The following ADAM12 variants were observed in gnomAD, a reference collection of about 807,000 sequenced individuals.
The protein encoded by ADAM12 is disintegrin and metalloproteinase domain-containing protein 12.
Under a neutral mutation model 106.4 loss-of-function variants are expected in ADAM12, and 70 were observed. The observed-to-expected ratio is 0.66, with a 90% CI of 0.54 to 0.80. The LOEUF (loss-of-function observed/expected upper bound fraction) is 0.80. Ranked by LOEUF, ADAM12 falls within the 30% of genes least tolerant of loss-of-function variation. The pLI, the probability that ADAM12 is intolerant of heterozygous loss-of-function variation, is 0.00. For synonymous variants in ADAM12, 420 were observed against 433.5 expected (o/e 0.97, Z 0.39); for missense variants, 1,010 against 1,171.9 (o/e 0.86, Z 2.02).
intron 3 of ADAM12, among the ~76,000 whole-genome samples, chr10:126,211,274 G>A (rs1209582076): frequency 6.6e-6 from 1 of 152,182 alleles, no homozygotes; most frequent in African/African-American, 2.4e-5. Flanking sequence ...TGCCTGAAGT[G>A]TGTTTGTTCC....
intron 4 of ADAM12, among the ~76,000 whole-genome samples, chr10:126,137,845 T>G (rs1033686939): frequency 1.3e-5 from 2 of 152,212 alleles, no homozygotes; most frequent in Non-Finnish European, 2.9e-5. Flanking sequence ...TATGAACACA[T>G]GTGTACACAT....
intron 1 of ADAM12, among the ~76,000 whole-genome samples, chr10:126,376,095 G>GA (rs1042949419): frequency 6.7e-6 from 1 of 150,018 alleles, no homozygotes; most frequent in Non-Finnish European, 1.5e-5. Context: ...AATGAAACAA[G>GA]AAAAATAAAG....
At chr10:126,301,655 T>TG (rs1960630309) in intron 2 of ADAM12, among the ~76,000 whole-genome samples, 1 of 152,086 alleles carries the variant, frequency 6.6e-6, no homozygotes, top group Non-Finnish European at 1.5e-5. Context: ...GGTCAAGACT[T>TG]GTAGGATGTG....
chr10:126,343,079 G>T (rs1692681533), intron 1 of ADAM12, among the ~76,000 whole-genome samples: 1 of 151,860 alleles, frequency 6.6e-6, no homozygotes. Context: ...AAGTTCTAGG[G>T]TTTGTTACAT....
chr10:126,293,433 T>C (rs1442547657), intron 2 of ADAM12, among the ~76,000 whole-genome samples: 3 of 152,210 alleles, frequency 2.0e-5, no homozygotes, highest in Non-Finnish European at 2.9e-5. Context: ...CTACAGGTAT[T>C]GACTTCACAA....
intron 3 of ADAM12, among the ~76,000 whole-genome samples, chr10:126,245,522 G>A (rs569126445): frequency 4.5e-4 from 69 of 152,242 alleles, no homozygotes; most frequent in Non-Finnish European, 9.0e-4. Context: ...GCAGGAGGTC[G>A]GGGCTAGAGG....
At chr10:126,260,676 A>C (rs948861181) in intron 3 of ADAM12, among the ~76,000 whole-genome samples, 3 of 152,200 alleles carry the variant, frequency 2.0e-5, no homozygotes, top group Non-Finnish European at 2.9e-5. Context: ...GATGACAGCC[A>C]CGGCACTTAA....
At chr10:126,264,136 T>C (rs1218691528) in intron 3 of ADAM12, among the ~76,000 whole-genome samples, 2 of 152,212 alleles carry the variant, frequency 1.3e-5, no homozygotes, top group East Asian at 1.9e-4. Flanking sequence ...TATTAATGAA[T>C]AATTGTTTTC....
intron 6 of ADAM12, among the ~76,000 whole-genome samples, chr10:126,113,274 T>A (rs1590429260): frequency 6.6e-6 from 1 of 151,366 alleles, no homozygotes. Flanking sequence ...CGAGAGGAGG[T>A]GGAAGATGGG....
intron 3 of ADAM12, among the ~76,000 whole-genome samples, chr10:126,193,097 C>T (rs938480624): frequency 7.2e-5 from 11 of 151,888 alleles, no homozygotes; most frequent in Non-Finnish European, 1.5e-4. Flanking sequence ...AACCCCGTCT[C>T]TACTAGAAAT....
At chr10:126,144,191 C>G (rs1956581703) in intron 4 of ADAM12, among the ~76,000 whole-genome samples, 1 of 152,196 alleles carries the variant, frequency 6.6e-6, no homozygotes, top group Non-Finnish European at 1.5e-5. Flanking sequence ...TCCAGGCAAA[C>G]TGGGCCTGGG....
At chr10:126,310,936 G>A (rs1410249303) in intron 2 of ADAM12, among the ~76,000 whole-genome samples, 1 of 152,128 alleles carries the variant, frequency 6.6e-6, no homozygotes, top group African/African-American at 2.4e-5. Flanking sequence ...ACCCTAAGGA[G>A]CAGGAAAGAA....
At chr10:126,041,598 G>A in intron 18 of ADAM12, 1 of 986,288 alleles carries the variant, frequency 1.0e-6, no homozygotes, top group African/African-American at 1.7e-5. Flanking sequence ...TGCTTGGATG[G>A]AGATGGAATG....
At chr10:126,130,081 C>T (rs11599296) in intron 5 of ADAM12, among the ~76,000 whole-genome samples, 6 of 152,156 alleles carry the variant, frequency 3.9e-5, no homozygotes, top group Non-Finnish European at 7.3e-5. Context: ...CAGCTTCCCT[C>T]CAGGTTCCTA....
chr10:126,078,532 G>T (rs183607778), intron 11 of ADAM12, among the ~76,000 whole-genome samples: 1 of 152,256 alleles, frequency 6.6e-6, no homozygotes, highest in East Asian at 1.9e-4. Context: ...AGGCTGTGTT[G>T]TAAGTTCTCG....
intron 2 of ADAM12, among the ~76,000 whole-genome samples, chr10:126,323,495 A>G (rs1854185210): frequency 6.6e-6 from 1 of 152,198 alleles, no homozygotes; most frequent in Non-Finnish European, 1.5e-5. Flanking sequence ...GGTAGGAAAC[A>G]TCTAAAAAGT....
At chr10:126,128,967 G>A (rs983917642) in intron 5 of ADAM12, among the ~76,000 whole-genome samples, 1 of 151,910 alleles carries the variant, frequency 6.6e-6, no homozygotes, top group African/African-American at 2.4e-5. Context: ...GGGAGCCTGC[G>A]CATGTGAGTG....
chr10:126,111,597 AG>A (rs1160626108), intron 6 of ADAM12, among the ~76,000 whole-genome samples: 7 of 151,554 alleles, frequency 4.6e-5, no homozygotes, highest in African/African-American at 1.7e-4. Flanking sequence ...CAGCCTGCAG[AG>A]GGGTGAAATA....
intron 21 of ADAM12, among the ~76,000 whole-genome samples, chr10:126,024,237 CAG>C (rs1953826003): frequency 6.6e-6 from 1 of 152,116 alleles, no homozygotes; most frequent in African/African-American, 2.4e-5. Flanking sequence ...AAACTTATGA[CAG>C]TGCTTGTATC....
Sources: allele counts gnomAD v4.1 joint callset (sites outside exome capture counted in the v4.1 genomes callset), GRCh38; gene constraint gnomAD v4.1.1; transcripts MANE v1.5; gene names NCBI Gene and HGNC (gene_info 2026-07-23, HGNC 2026-07-21).